RANBP17: variants seen among roughly 807,000 people sequenced by gnomAD.
RANBP17 encodes the protein RAN binding protein 17.
A neutral mutation model predicts 141.2 loss-of-function variants in RANBP17; 158 were observed. The observed-to-expected ratio is 1.12, with a 90% CI of 0.98 to 1.28. The LOEUF (loss-of-function observed/expected upper bound fraction) is 1.28. Among genes scored for constraint, RANBP17 ranks in the 50% most tolerant of loss-of-function variants. RANBP17 has a pLI of 0.00. For missense variants in RANBP17, 1,438 were observed against 1,290.7 expected, an observed-to-expected ratio of 1.11 and a Z score of -1.75; for synonymous variants, 430 against 450.0, an observed-to-expected ratio of 0.96 and a Z score of 0.56.
intron 24 of RANBP17, among the ~76,000 whole-genome samples, chr5:171,258,200 A>G (rs535488962): frequency 1.1e-4 from 17 of 152,060 alleles, no homozygotes; most frequent in African/African-American, 4.1e-4. Context: ...AAAGATCTCT[A>G]CAAGGAAAAC....
intron 24 of RANBP17, chr5:171,252,002 G>T (rs547202999): frequency 2.5e-6 from 4 of 1,609,068 alleles, no homozygotes; most frequent in Non-Finnish European, 3.4e-6. Context: ...CGTCCATTTC[G>T]GGAAACAGTT....
At position 170,924,358 on chromosome 5, in the gene RANBP17, G is replaced by A. The variant is rs1561895446; in HGVS notation, c.1276G>A (p.Asp426Asn). 3.8e-6 allele frequency: 6 copies of A among 1,573,416 alleles called. No individual in the cohort carries two copies. Among genetic ancestry groups the A allele is most frequent in the Non-Finnish European group, 4.4e-6 (5 of 1,148,788 alleles). Residue 426 changes from aspartate (D) to asparagine (N), a missense_variant and splice_region_variant, in exon 12 of 28, where the codon GAT becomes AAT. Asp to Asn is a conservative substitution (Grantham distance 23). Coordinates refer to ENST00000523189, the MANE Select transcript of RANBP17 (RefSeq NM_022897.5). ...TGCAAACTTATTCTGTGTTTGCAGA[G>A]ATCACTTAGATGATCCACTGGATGA... ...RLDSVAIVVR[D>N]HLDDPLDDTA...
At chr5:171,102,672 G>A (rs1376534636) in intron 14 of RANBP17, among the ~76,000 whole-genome samples, 1 of 151,930 alleles carries the variant, frequency 6.6e-6, no homozygotes, top group African/African-American at 2.4e-5. Flanking sequence ...AAGAGAAGAG[G>A]CATTCAGGTT....
chr5:171,120,824 T>C (rs1755981441), intron 14 of RANBP17, among the ~76,000 whole-genome samples: 2 of 152,240 alleles, frequency 1.3e-5, no homozygotes, highest in South Asian at 4.1e-4. Context: ...TACATCTGGT[T>C]TCAAAATTGC....
At chr5:171,003,770 C>T (rs184662049) in intron 14 of RANBP17, among the ~76,000 whole-genome samples, 4,087 of 152,238 alleles carry the variant, frequency 0.027, 180 homozygotes, top group African/African-American at 0.092. Flanking sequence ...TGCGGCAGTA[C>T]AGCCCAGGTA....
chr5:170,942,265 AAGGT>A lies in RANBP17; in HGVS notation c.1469-11328_1469-11325del, dbSNP rs2127477016. ...CATGCAACCTGTGCCTGGCACCAAA[AAGGT>A]AGGGGACTGCTGCTCTAGAAAATCT... On this transcript the variant is annotated intron_variant, in intron 12 of 27. Transcript: ENST00000523189. Among the ~76,000 whole-genome samples the A allele has an allele frequency of 1.3e-5, 2 of 152,222 alleles. 1 individual carries two copies. Among genetic ancestry groups the A allele is most frequent in the Non-Finnish European group, 2.9e-5 (2 of 68,004 alleles).
At chr5:170,968,046 A>G (rs951490429) in intron 13 of RANBP17, among the ~76,000 whole-genome samples, 196 bp from the exon 14 acceptor site, 1 of 151,936 alleles carries the variant, frequency 6.6e-6, no homozygotes, top group African/African-American at 2.4e-5. Flanking sequence ...AAAAAAGGCT[A>G]GAATGAATTA....
intron 3 of RANBP17, among the ~76,000 whole-genome samples, chr5:170,888,158 T>C (rs1769308439): frequency 6.6e-6 from 1 of 152,208 alleles, no homozygotes; most frequent in Non-Finnish European, 1.5e-5. Flanking sequence ...TGTTGGCTAT[T>C]TTGGTATTGT....
intron 25 of RANBP17, among the ~76,000 whole-genome samples, chr5:171,276,067 A>T (rs1328486976): frequency 2.0e-5 from 3 of 152,196 alleles, no homozygotes; most frequent in African/African-American, 7.2e-5. Flanking sequence ...GTCCAAACAC[A>T]GCAGCCATAA....
chr5:171,221,777 G>A lies in RANBP17; in HGVS notation c.2359G>A (p.Asp787Asn). The A allele has an allele frequency of 6.2e-7, 1 of 1,609,512 alleles. No individual in the cohort carries two copies. The highest frequency in any genetic ancestry group is 8.5e-7 in the Non-Finnish European group (1 of 1,176,688). ...TCTTAGATCCCAGCGTTTGAATTTT[G>A]ATGTATCATCTCCTAATGGAATTCT... ...MQNRSQRLNFDVSSPNGILLF... is the reference protein window; with the variant it reads ...MQNRSQRLNFNVSSPNGILLF... The change falls in exon 22 of 28, where the codon GAT becomes AAT. Residue 787 changes from aspartate to asparagine, a missense_variant. By Grantham distance (23) the Asp-to-Asn change is conservative. Transcript: ENST00000523189.
chr5:170,913,913 T>A (rs1219515672), intron 7 of RANBP17, among the ~76,000 whole-genome samples: 1 of 152,092 alleles, frequency 6.6e-6, no homozygotes, highest in Non-Finnish European at 1.5e-5. Context: ...ATGAAAATAG[T>A]AAGAAGATTC....
At chr5:170,890,952 A>C (rs1769544443) in intron 3 of RANBP17, among the ~76,000 whole-genome samples, 1 of 152,110 alleles carries the variant, frequency 6.6e-6, no homozygotes, top group Non-Finnish European at 1.5e-5. Context: ...CAGTGTCCCA[A>C]GTAGGTAGGA....
intron 23 of RANBP17, 46 bp downstream of exon 23, chr5:171,241,188 A>G (rs372114516): frequency 1.1e-5 from 16 of 1,401,486 alleles, no homozygotes; most frequent in Non-Finnish European, 1.6e-5. Flanking sequence ...AATGTGAAGT[A>G]ACACCACCAC....
chr5:171,102,247 G>C (rs1787221565), intron 14 of RANBP17, among the ~76,000 whole-genome samples: 1 of 152,060 alleles, frequency 6.6e-6, no homozygotes, highest in South Asian at 2.1e-4. Context: ...TGTAGGTTTG[G>C]TCTTTTCACA....
intron 1 of RANBP17, among the ~76,000 whole-genome samples, chr5:170,875,696 G>A (rs1768121086): frequency 1.3e-5 from 1 of 79,004 alleles, no homozygotes; most frequent in Non-Finnish European, 2.8e-5. Flanking sequence ...ATTCTAGTTA[G>A]CGCTCCTGTA....
Position 171,199,765 on chromosome 5 carries a change from G to A in RANBP17, c.2134G>A (p.Asp712Asn). 1 of 1,588,802 alleles carries A rather than the reference G, an allele frequency of 6.3e-7. No individual in the cohort carries two copies. The change falls in exon 19 of 28, where the codon GAT becomes AAT. Residue 712 changes from aspartate to asparagine, a missense_variant. By Grantham distance (23) the Asp-to-Asn change is conservative. Transcript: ENST00000523189. The part of the protein sequence containing the change: ...QIFNNNFKQE[D>N]VKRMLIGLAR... The stretch of plus-strand genomic sequence containing the variant: ...ATTCAACAACAACTTTAAACAAGAA[G>A]ATGTAAAGGTGGGTTTGTTTCCAAA...
intron 14 of RANBP17, chr5:171,161,515 G>A (rs1759351481): frequency 5.3e-6 from 1 of 187,914 alleles, no homozygotes; most frequent in South Asian, 2.0e-4. Context: ...CTTTATGCTT[G>A]TCTCACTACA....
intron 16 of RANBP17, among the ~76,000 whole-genome samples, chr5:171,180,761 T>C (rs886987291): frequency 1.3e-5 from 2 of 152,218 alleles, no homozygotes; most frequent in Non-Finnish European, 2.9e-5. Context: ...TTCTTTAGAA[T>C]GTAATTAAAA....
intron 13 of RANBP17, among the ~76,000 whole-genome samples, chr5:170,967,560 C>G (rs1367655145): frequency 6.6e-6 from 1 of 151,026 alleles, no homozygotes; most frequent in Non-Finnish European, 1.5e-5. Flanking sequence ...TTGAATTAAG[C>G]TTTTTCTGTA....
Sources: allele counts gnomAD v4.1 joint callset (sites outside exome capture counted in the v4.1 genomes callset), GRCh38; gene constraint gnomAD v4.1.1; transcripts MANE v1.5; gene names NCBI Gene and HGNC (gene_info 2026-07-23, HGNC 2026-07-21).